CNTN5: variants seen among roughly 807,000 people sequenced by gnomAD.
CNTN5 encodes contactin 5.
Under a neutral mutation model 129.1 loss-of-function variants are expected in CNTN5, and 77 were observed. The ratio of observed to expected loss-of-function variants is 0.60; its 90% CI spans 0.50 to 0.72. The LOEUF (loss-of-function observed/expected upper bound fraction) is 0.72. Among genes scored for constraint, CNTN5 ranks in the 30% least tolerant of loss-of-function variants. CNTN5 has a pLI of 0.00. For missense variants in CNTN5, 1,478 were observed against 1,328.8 expected (o/e 1.11, Z -1.75); for synonymous variants, 509 against 465.6 (o/e 1.09, Z -1.20).
intron 1 of CNTN5, among the ~76,000 whole-genome samples, chr11:99,080,234 A>G (rs1252099260): frequency 1.3e-5 from 2 of 152,172 alleles, no homozygotes; most frequent in African/African-American, 4.8e-5. Flanking sequence ...GAATATATTA[A>G]TTTGAATAGG....
At chr11:99,226,766 A>G (rs947239996) in intron 1 of CNTN5, among the ~76,000 whole-genome samples, 3 of 152,172 alleles carry the variant, frequency 2.0e-5, no homozygotes, top group African/African-American at 7.2e-5. Context: ...TGTTTCTTAT[A>G]TTATTTGATA....
At chr11:100,073,786 C>T (rs550692642) in intron 12 of CNTN5, among the ~76,000 whole-genome samples, 3 of 152,006 alleles carry the variant, frequency 2.0e-5, no homozygotes, top group Admixed American at 6.6e-5. Flanking sequence ...CGCAGGTCAC[C>T]TCCATCTTAC....
At chr11:99,265,602 G>T (rs955193380) in intron 1 of CNTN5, among the ~76,000 whole-genome samples, 2 of 151,904 alleles carry the variant, frequency 1.3e-5, no homozygotes, top group Non-Finnish European at 2.9e-5. Flanking sequence ...TTCTAATGTT[G>T]AAAATAAATT....
chr11:99,964,167 G>A (rs996032469), intron 8 of CNTN5, among the ~76,000 whole-genome samples: 12 of 152,088 alleles, frequency 7.9e-5, no homozygotes, highest in African/African-American at 1.7e-4. Context: ...TCTCCTGCCT[G>A]ATTGCCCTGG....
At chr11:99,843,074 T>C in intron 4 of CNTN5, among the ~76,000 whole-genome samples, 1 of 152,098 alleles carries the variant, frequency 6.6e-6, no homozygotes, top group East Asian at 1.9e-4. Flanking sequence ...CTACTAAAAA[T>C]ACAAAAATTA....
chr11:100,324,828 CTGT>C (rs1190091868), intron 21 of CNTN5, among the ~76,000 whole-genome samples: 1 of 152,184 alleles, frequency 6.6e-6, no homozygotes, highest in Non-Finnish European at 1.5e-5. Flanking sequence ...CATCTAATCA[CTGT>C]TGAACTGCCT....
chr11:99,540,131 C>G (rs2135492204), intron 2 of CNTN5, among the ~76,000 whole-genome samples: 1 of 152,080 alleles, frequency 6.6e-6, no homozygotes, highest in East Asian at 1.9e-4. Flanking sequence ...TTATGAAAAA[C>G]AATAATATAG....
intron 15 of CNTN5, among the ~76,000 whole-genome samples, chr11:100,211,618 G>A (rs983272601): frequency 6.6e-6 from 1 of 152,140 alleles, no homozygotes; most frequent in Admixed American, 6.5e-5. Context: ...AACTTAAGAA[G>A]AGCTGCTTAT....
chr11:99,979,932 T>TCTAACC (rs1172728691), intron 8 of CNTN5, among the ~76,000 whole-genome samples: 3 of 152,164 alleles, frequency 2.0e-5, no homozygotes, highest in Admixed American at 1.3e-4. Context: ...CTTTTCAACT[T>TCTAACC]CCATGAGTCA....
chr11:99,217,274 TC>T (rs926484886), intron 1 of CNTN5, among the ~76,000 whole-genome samples: 83 of 62,386 alleles, frequency 1.3e-3, no homozygotes, highest in African/African-American at 5.4e-3. Flanking sequence ...AAAAGATCTG[TC>T]TTAAGACATT....
In CNTN5 at chr11:99,905,380, C is replaced by T. The variant is rs117540056; in HGVS notation, c.578-10674C>T. Among the ~76,000 whole-genome samples, 1,053 of 152,204 alleles carry T rather than the reference C, an allele frequency of 6.9e-3. 7 individuals are homozygous for T. The highest frequency in any genetic ancestry group is 0.014 in the Middle Eastern group (4 of 294). Reference sequence around the variant, plus strand: ...TATGGCTAGCCAGTTTTGCAAATAGCGTTTATTAAATAGAAAATTCTTTCC... The same window carrying T: ...TATGGCTAGCCAGTTTTGCAAATAGTGTTTATTAAATAGAAAATTCTTTCC... On this transcript the variant is annotated intron_variant, in intron 6 of 24. Coordinates refer to ENST00000524871, the MANE Select transcript of CNTN5 (RefSeq NM_014361.4).
At chr11:100,078,484 T>G (rs1230575337) in intron 13 of CNTN5, among the ~76,000 whole-genome samples, 1 of 152,106 alleles carries the variant, frequency 6.6e-6, no homozygotes, top group African/African-American at 2.4e-5. Flanking sequence ...TCCCTTCAGA[T>G]AGTAAATCAC....
At position 100,271,192 on chromosome 11, in the gene CNTN5, G is replaced by A; in HGVS notation, c.2265G>A (p.Gly755=). ...GAGTGGTAGCCACCAACCCTATTGG[G>A]ACAGGAGATCCAAGCACCCCATCTC... The part of the protein sequence containing the change: ...EFRVVATNPI[G]TGDPSTPSRM... The change falls in exon 18 of 25, where the codon GGG becomes GGA. Residue 755 remains glycine (G), a synonymous_variant. Coordinates refer to ENST00000524871, the MANE Select transcript of CNTN5 (RefSeq NM_014361.4). The A allele has an allele frequency of 1.2e-6, 2 of 1,612,906 alleles. No individual in the cohort carries two copies. The highest frequency in any genetic ancestry group is 4.5e-5 in the East Asian group (2 of 44,804).
intron 8 of CNTN5, among the ~76,000 whole-genome samples, chr11:99,970,939 G>T (rs1004784040): frequency 6.6e-6 from 1 of 152,130 alleles, no homozygotes; most frequent in Admixed American, 6.5e-5. Context: ...CTGTCTTCAT[G>T]AAGTACCCTC....
chr11:99,207,270 C>T (rs944784678), intron 1 of CNTN5, among the ~76,000 whole-genome samples: 1 of 152,076 alleles, frequency 6.6e-6, no homozygotes, highest in Non-Finnish European at 1.5e-5. Context: ...GTACCACATA[C>T]AATAATTATA....
intron 9 of CNTN5, among the ~76,000 whole-genome samples, chr11:100,052,411 C>T (rs952373565): frequency 1.3e-5 from 2 of 151,654 alleles, no homozygotes; most frequent in Non-Finnish European, 3.0e-5. Flanking sequence ...AATAAACCTG[C>T]CTCTGATTGG....
Position 99,314,882 on chromosome 11 carries a change from A to C in CNTN5, c.-209-10464A>C, listed in dbSNP as rs372575016. On this transcript the variant is annotated intron_variant, in intron 1 of 24. Coordinates refer to ENST00000524871, the MANE Select transcript of CNTN5 (RefSeq NM_014361.4). Reference sequence around the variant, plus strand: ...AAAGAAGAAAGTAGCTTCAGAGAAGAGAATATTTGTTGTATATAATAAACA... The same window carrying C: ...AAAGAAGAAAGTAGCTTCAGAGAAGCGAATATTTGTTGTATATAATAAACA... 4.6e-4 allele frequency among the ~76,000 whole-genome samples: 68 copies of C among 148,376 alleles called. 1 individual carries two copies. Among genetic ancestry groups the C allele is most frequent in the African/African-American group, 1.6e-3 (65 of 40,894 alleles).
intron 17 of CNTN5, among the ~76,000 whole-genome samples, chr11:100,263,841 C>G (rs990788374): frequency 1.3e-5 from 2 of 152,124 alleles, no homozygotes; most frequent in African/African-American, 4.8e-5. Context: ...CAGCCATGCT[C>G]CCTGTCTGCT....
intron 3 of CNTN5, among the ~76,000 whole-genome samples, chr11:99,612,053 A>G (rs1333909650): frequency 3.9e-5 from 6 of 152,222 alleles, no homozygotes; most frequent in Non-Finnish European, 7.3e-5. Flanking sequence ...AAATAGATCA[A>G]TAACATTACT....
Sources: gnomAD v4.1 joint callset for allele counts (sites outside exome capture counted in the v4.1 genomes callset) on GRCh38, gnomAD v4.1.1 for gene constraint, MANE v1.5 for transcripts, NCBI Gene and HGNC (gene_info 2026-07-23, HGNC 2026-07-21) for gene names.